The following TTC28 variants were observed in gnomAD, a reference collection of about 807,000 sequenced individuals.
TTC28 encodes the protein tetratricopeptide repeat protein 28.
In TTC28, 61 loss-of-function variants were observed where a neutral mutation model predicts 198.0. That is an observed-to-expected ratio of 0.31 (90% confidence interval 0.25 to 0.38). The LOEUF (loss-of-function observed/expected upper bound fraction) is 0.38, where lower values mean the gene tolerates loss of function less well. Ranked by LOEUF, TTC28 falls within the 10% of genes least tolerant of loss-of-function variation. The probability of loss-of-function intolerance (pLI) is 1.00; values close to 1 mark genes in which losing one functional copy is unlikely to be tolerated. For synonymous variants in TTC28, 1,171 were observed against 1,297.8 expected, an observed-to-expected ratio of 0.90 and a Z score of 2.10; for missense variants, 2,678 against 3,164.0, an observed-to-expected ratio of 0.85 and a Z score of 3.69.
chr22:28,391,794 C>G (rs1029857925), intron 2 of TTC28, among the ~76,000 whole-genome samples: 2 of 152,340 alleles, frequency 1.3e-5, no homozygotes, highest in East Asian at 1.9e-4. Context: ...TGAATTTCCT[C>G]CCGTAGCTCG....
chr22:27,982,369 T>G lies in TTC28; in HGVS notation c.7298A>C (p.His2433Pro). The change falls in exon 23 of 23, where the codon CAC (histidine) becomes CCC (proline). Residue 2433 changes from histidine to proline, a missense_variant. His to Pro is a moderately conservative substitution (Grantham distance 77, BLOSUM62 -2). Around this residue, in one of 8 missense-constraint regions of TTC28, gnomAD observed 622 missense variants for 656.0 expected, o/e 0.95. Coordinates refer to ENST00000397906, the MANE Select transcript of TTC28 (RefSeq NM_001145418.2). This position sits in a 1 kb window ranked among gnomAD's most constrained non-coding sequence, Gnocchi z 5.2. ...CAGCGAGGTGGTCTCGGTGCGCCAG[T>G]GTCCGTTGGGAGGGGCTTTCGGTGG... is the stretch of plus-strand genomic sequence containing the variant. ...GAPPKAPPNG[H>P]WRTETTSLGS... 1 of 1,544,482 alleles carries G rather than the reference T, an allele frequency of 6.5e-7. No individual in the cohort carries two copies. The highest frequency in any genetic ancestry group is 8.7e-7 in the Non-Finnish European group (1 of 1,143,676).
intron 2 of TTC28, among the ~76,000 whole-genome samples, chr22:28,343,819 T>C (rs972604989): frequency 6.6e-6 from 1 of 152,204 alleles, no homozygotes; most frequent in African/African-American, 2.4e-5. Flanking sequence ...TACCTATTTT[T>C]TAAAATTACA....
intron 2 of TTC28, among the ~76,000 whole-genome samples, chr22:28,482,926 A>C (rs1351292244): frequency 6.6e-6 from 1 of 152,174 alleles, no homozygotes; most frequent in Non-Finnish European, 1.5e-5. Context: ...TTATGGCTGA[A>C]AATTTTTCAT....
intron 2 of TTC28, among the ~76,000 whole-genome samples, chr22:28,443,622 C>G (rs1174084058): frequency 6.6e-6 from 1 of 151,762 alleles, no homozygotes. Context: ...GAAGGAAATC[C>G]TGCAAGAACC....
At chr22:28,530,083 T>G (rs565397259) in intron 2 of TTC28, among the ~76,000 whole-genome samples, 190 of 152,250 alleles carry the variant, frequency 1.2e-3, no homozygotes, top group Middle Eastern at 3.4e-3. Context: ...GAAGAAGGCT[T>G]CAGATGATCG....
chr22:28,179,154 T>G (rs1210687612), intron 5 of TTC28, among the ~76,000 whole-genome samples: 5 of 149,968 alleles, frequency 3.3e-5, no homozygotes, highest in Non-Finnish European at 7.4e-5. Flanking sequence ...AGTTTTTTGT[T>G]TTTTTGTTTT....
At chr22:28,579,100 A>G (rs1254488281) in intron 2 of TTC28, among the ~76,000 whole-genome samples, 1 of 151,608 alleles carries the variant, frequency 6.6e-6, no homozygotes, top group Admixed American at 6.6e-5. Flanking sequence ...ATATAGCTAT[A>G]TATATGTATA....
rs148832727 is a variant in TTC28, at chr22:28,406,609, A to C, written c.382-99966T>G. Among the ~76,000 whole-genome samples, 1,513 of 152,346 alleles carry C rather than the reference A, an allele frequency of 9.9e-3. 26 individuals carry two copies. The highest frequency in any genetic ancestry group is 0.034 in the African/African-American group (1,412 of 41,586). On this transcript the variant is annotated intron_variant, in intron 2 of 22. Coordinates refer to ENST00000397906, the MANE Select transcript of TTC28 (RefSeq NM_001145418.2). ...TAACATCTGTTACATTAAAAGTTTG[A>C]AGTCTGGCACTAGTAAACACCTAAA...
intron 5 of TTC28, among the ~76,000 whole-genome samples, chr22:28,210,241 A>G (rs773112568): frequency 6.6e-6 from 1 of 152,204 alleles, no homozygotes; most frequent in Non-Finnish European, 1.5e-5. Flanking sequence ...CTTCTCCACC[A>G]AAGGAACGCA....
Position 28,247,871 on chromosome 22 carries a change from T to C in TTC28, c.933+48327A>G, listed in dbSNP as rs561657960. ...GGGAGGATCCCATCTTGAATGGTTT[T>C]GACTACCTACCATGAGTCATTGAAG... On this transcript the variant is annotated intron_variant, in intron 5 of 22. Transcript: ENST00000397906. Among the ~76,000 whole-genome samples, 4 of 152,310 alleles carry C rather than the reference T, an allele frequency of 2.6e-5. No individual in the cohort carries two copies. The South Asian group carries it at 8.3e-4, about 32-fold the overall frequency.
intron 2 of TTC28, among the ~76,000 whole-genome samples, chr22:28,402,347 G>C (rs2146105658): frequency 6.6e-6 from 1 of 152,306 alleles, no homozygotes; most frequent in South Asian, 2.1e-4. Flanking sequence ...ATAAAGCATA[G>C]AATGTCAGTT....
intron 2 of TTC28, among the ~76,000 whole-genome samples, chr22:28,570,730 CAT>C (rs1254767630): frequency 6.6e-6 from 1 of 152,106 alleles, no homozygotes; most frequent in African/African-American, 2.4e-5. Context: ...GTTAAAATGA[CAT>C]ATTTTATGTT....
intron 9 of TTC28, 123 bp from the exon 10 acceptor site, chr22:28,099,167 AG>A: frequency 7.4e-7 from 1 of 1,352,784 alleles, no homozygotes; most frequent in Non-Finnish European, 9.9e-7. Flanking sequence ...CAGATTTGAA[AG>A]GAAGAGTCTG....
intron 2 of TTC28, among the ~76,000 whole-genome samples, chr22:28,435,668 T>C (rs754210057): frequency 2.8e-4 from 42 of 152,218 alleles, no homozygotes; most frequent in Non-Finnish European, 4.7e-4. Flanking sequence ...ACACTGGCAA[T>C]GTTTACTGGC....
At chr22:28,395,310 C>T (rs1246597424) in intron 2 of TTC28, among the ~76,000 whole-genome samples, 1 of 152,142 alleles carries the variant, frequency 6.6e-6, no homozygotes, top group African/African-American at 2.4e-5. Flanking sequence ...TCCCTGCCTC[C>T]CTACTTCCTT....
At chr22:28,672,446 A>G (rs1373140378) in intron 1 of TTC28, among the ~76,000 whole-genome samples, 1 of 152,028 alleles carries the variant, frequency 6.6e-6, no homozygotes, top group Non-Finnish European at 1.5e-5. Context: ...GATTACAGGC[A>G]TGAGCCACCG....
intron 2 of TTC28, among the ~76,000 whole-genome samples, chr22:28,551,218 A>G (rs2049665338): frequency 6.6e-6 from 1 of 152,078 alleles, no homozygotes; most frequent in Non-Finnish European, 1.5e-5. Context: ...TAACAGCAGC[A>G]AGATTGAAAT....
At chr22:28,407,467 C>T (rs561818025) in intron 2 of TTC28, among the ~76,000 whole-genome samples, 148 of 140,162 alleles carry the variant, frequency 1.1e-3, no homozygotes, top group African/African-American at 2.8e-3. Context: ...CACACACATG[C>T]GTGCGCACAC....
intron 2 of TTC28, among the ~76,000 whole-genome samples, chr22:28,428,758 C>A (rs930393686): frequency 5.3e-5 from 8 of 152,014 alleles, no homozygotes; most frequent in African/African-American, 1.4e-4. Context: ...CCCGCCTCAG[C>A]CTCCCGAGTA....
Sources: gnomAD v4.1 joint callset for allele counts (sites outside exome capture counted in the v4.1 genomes callset) on GRCh38, gnomAD v4.1.1 for gene constraint, gnomAD v4.1.1 regional missense constraint, Gnocchi (gnomAD v3.1) non-coding constraint, MANE v1.5 for transcripts, NCBI Gene and HGNC (gene_info 2026-07-23, HGNC 2026-07-21) for gene names.